Variants in FAF1 observed in about 807,000 individuals in gnomAD.
FAF1 encodes Fas associated factor 1, also known as FAS-associated factor 1.
In FAF1, 25 loss-of-function variants were observed where a neutral mutation model predicts 92.5. That is an observed-to-expected ratio of 0.27 (90% CI 0.20 to 0.38). The LOEUF (loss-of-function observed/expected upper bound fraction) is 0.38. FAF1 is among the 10% of genes least tolerant of loss of function. The pLI is 1.00. For synonymous variants in FAF1, 234 were observed against 273.2 expected, an observed-to-expected ratio of 0.86 and a Z score of 1.42; for missense variants, 636 against 793.3, an observed-to-expected ratio of 0.80 and a Z score of 2.38.
chr1:50,588,035 C>T (rs1177855901), intron 9 of FAF1, among the ~76,000 whole-genome samples: 1 of 152,098 alleles, frequency 6.6e-6, no homozygotes, highest in East Asian at 1.9e-4. Flanking sequence ...GCCTGTAATC[C>T]CAGCACTTTC....
At chr1:50,493,190 G>A (rs759559720) in intron 15 of FAF1, among the ~76,000 whole-genome samples, 1 of 151,754 alleles carries the variant, frequency 6.6e-6, no homozygotes, top group African/African-American at 2.4e-5. Flanking sequence ...CCGACATCAC[G>A]CCCAGCTAAT....
At chr1:50,693,065 T>C (rs1657011167) in intron 7 of FAF1, among the ~76,000 whole-genome samples, 1 of 152,242 alleles carries the variant, frequency 6.6e-6, no homozygotes, top group African/African-American at 2.4e-5. Context: ...AAGTTTTTAA[T>C]TTTGATGAAG....
chr1:50,850,025 C>T (rs1287859989), intron 2 of FAF1, among the ~76,000 whole-genome samples: 1 of 150,236 alleles, frequency 6.7e-6, no homozygotes, highest in African/African-American at 2.5e-5. Flanking sequence ...TCAGGTGTCC[C>T]TACTGAAAGA....
chr1:50,621,402 T>C (rs1252779406), intron 8 of FAF1, among the ~76,000 whole-genome samples: 4 of 130,076 alleles, frequency 3.1e-5, no homozygotes, highest in African/African-American at 6.1e-5. Context: ...TTTTTTTTTT[T>C]TTTTTTTTTT....
intron 2 of FAF1, among the ~76,000 whole-genome samples, chr1:50,842,641 C>G (rs1243757189): frequency 6.6e-6 from 1 of 151,890 alleles, no homozygotes; most frequent in South Asian, 2.1e-4. Flanking sequence ...AACACATTTG[C>G]TCTCACCTCA....
chr1:50,742,030 T>C (rs1002999052), intron 5 of FAF1, among the ~76,000 whole-genome samples: 2 of 152,096 alleles, frequency 1.3e-5, no homozygotes, highest in South Asian at 2.1e-4. Context: ...TAACTGAGGC[T>C]GGGTGCCATG....
At chr1:50,676,367 A>G (rs1255177963) in intron 7 of FAF1, among the ~76,000 whole-genome samples, 1 of 151,620 alleles carries the variant, frequency 6.6e-6, no homozygotes, top group Non-Finnish European at 1.5e-5. Context: ...AGATCACGCC[A>G]TTGCACTCCA....
chr1:50,689,989 ATTTC>A (rs1656847202), intron 7 of FAF1, among the ~76,000 whole-genome samples: 1 of 134,980 alleles, frequency 7.4e-6, no homozygotes, highest in Non-Finnish European at 1.6e-5. Flanking sequence ...ATTACATTAT[ATTTC>A]TTTTTTTTTT....
intron 6 of FAF1, chr1:50,714,966 G>C (rs1322024385): frequency 5.0e-6 from 2 of 403,540 alleles, no homozygotes; most frequent in African/African-American, 4.2e-5. Flanking sequence ...TATTTCTTTA[G>C]GTTTCAAACA....
intron 1 of FAF1, among the ~76,000 whole-genome samples, chr1:50,951,116 C>T (rs1052263234): frequency 6.6e-6 from 1 of 152,204 alleles, no homozygotes; most frequent in Non-Finnish European, 1.5e-5. Context: ...CGCCTGTAAT[C>T]CCAGCTACTC....
chr1:50,751,430 G>A lies in FAF1; in HGVS notation c.368-6655C>T, dbSNP rs556971889. ...GCTTACTGTAACCTCTGCCTCCTCCGCCTCCCAGGTTCAAGCAATTCTCCT... is the reference window on the plus strand; with the variant it reads ...GCTTACTGTAACCTCTGCCTCCTCCACCTCCCAGGTTCAAGCAATTCTCCT... On this transcript the variant is annotated intron_variant, in intron 4 of 18. Transcript: ENST00000396153. 7.2e-5 allele frequency among the ~76,000 whole-genome samples: 11 copies of A among 152,048 alleles called. No individual in the cohort carries two copies. In the East Asian group the frequency reaches 1.2e-3, roughly 16 times the overall value.
intron 1 of FAF1, among the ~76,000 whole-genome samples, chr1:50,948,636 G>T (rs542948422): frequency 4.6e-5 from 7 of 151,084 alleles, no homozygotes; most frequent in African/African-American, 1.7e-4. Context: ...AGATTCAAGC[G>T]ATTCTCACGC....
chr1:50,561,848 C>G, intron 13 of FAF1, among the ~76,000 whole-genome samples: 1 of 128,550 alleles, frequency 7.8e-6, no homozygotes, highest in African/African-American at 3.2e-5. Context: ...GACGGATGGA[C>G]GGAAGGAAGG....
intron 15 of FAF1, among the ~76,000 whole-genome samples, chr1:50,519,004 G>A (rs1050971534): frequency 2.6e-5 from 4 of 152,074 alleles, no homozygotes; most frequent in African/African-American, 9.7e-5. Flanking sequence ...AAACAACAGT[G>A]GGCAGTTGAT....
intron 12 of FAF1, among the ~76,000 whole-genome samples, chr1:50,578,778 T>TA (rs1257830667): frequency 6.7e-6 from 1 of 150,224 alleles, no homozygotes; most frequent in Non-Finnish European, 1.5e-5. Flanking sequence ...TTACTATACG[T>TA]ACACAGTTAA....
At chr1:50,695,289 C>T (rs1657145987) in intron 7 of FAF1, among the ~76,000 whole-genome samples, 1 of 151,424 alleles carries the variant, frequency 6.6e-6, no homozygotes, top group Non-Finnish European at 1.5e-5. Context: ...GCACCTGCAA[C>T]CCCAGCTACT....
chr1:50,810,261 T>TA lies in FAF1; in HGVS notation c.115-8585dup, dbSNP rs1020518123. ...CAAGAGCGAGACTCTGTCTCAAAAC[T>TA]AAAAAAATTAAAAAAAATACACAAA... On this transcript the variant is annotated intron_variant, in intron 2 of 18. Coordinates refer to ENST00000396153, the MANE Select transcript of FAF1 (RefSeq NM_007051.3). Among the ~76,000 whole-genome samples the TA allele has an allele frequency of 2.6e-5, 4 of 151,612 alleles. No individual in the cohort carries two copies. In the South Asian group the frequency reaches 8.3e-4, roughly 32 times the overall value.
chr1:50,492,495 T>C (rs1466885514), intron 15 of FAF1, among the ~76,000 whole-genome samples: 2 of 152,222 alleles, frequency 1.3e-5, no homozygotes, highest in Non-Finnish European at 2.9e-5. Flanking sequence ...CATATTTAAA[T>C]CACGAATTCA....
At chr1:50,751,427 T>G (rs757411520) in intron 4 of FAF1, among the ~76,000 whole-genome samples, 15 of 152,116 alleles carry the variant, frequency 9.9e-5, no homozygotes, top group Non-Finnish European at 2.1e-4. Context: ...CTCTGCCTCC[T>G]CCGCCTCCCA....
Sources: allele counts gnomAD v4.1 joint callset (sites outside exome capture counted in the v4.1 genomes callset), GRCh38; gene constraint gnomAD v4.1.1; transcripts MANE v1.5; gene names NCBI Gene and HGNC (gene_info 2026-07-23, HGNC 2026-07-21).